Variants in ABI2 observed in about 807,000 individuals in gnomAD.
The protein encoded by ABI2 is abl interactor 2, also known as abelson interactor 2.
In ABI2, 25 loss-of-function variants were observed where a neutral mutation model predicts 59.2. The observed-to-expected ratio is 0.42, with a 90% confidence interval of 0.31 to 0.59. The LOEUF is 0.59. ABI2 is among the 20% of genes least tolerant of loss of function. The pLI is 0.14. For missense variants in ABI2, 545 were observed against 681.8 expected (o/e 0.80, Z 2.23); for synonymous variants, 213 against 235.5 (o/e 0.90, Z 0.87).
chr2:203,387,500 G>T (rs189433193), intron 4 of ABI2, among the ~76,000 whole-genome samples: 2 of 152,168 alleles, frequency 1.3e-5, no homozygotes, highest in Non-Finnish European at 2.9e-5. Flanking sequence ...CTGTGGCCAT[G>T]CATTAACCTT....
intron 4 of ABI2, among the ~76,000 whole-genome samples, chr2:203,384,310 T>TTTTG (rs1238552594): frequency 2.4e-4 from 34 of 139,748 alleles, no homozygotes; most frequent in Admixed American, 7.7e-4. Flanking sequence ...TTTTTTTTTT[T>TTTTG]TTTTTTTTTT....
chr2:203,352,142 A>T (rs2089088333), intron 1 of ABI2, among the ~76,000 whole-genome samples: 1 of 152,190 alleles, frequency 6.6e-6, no homozygotes, highest in Admixed American at 6.5e-5. Context: ...TGGCATACAG[A>T]TACACATATA....
At chr2:203,387,413 C>T (rs2096573231) in intron 4 of ABI2, among the ~76,000 whole-genome samples, 1 of 152,166 alleles carries the variant, frequency 6.6e-6, no homozygotes, top group Non-Finnish European at 1.5e-5. Context: ...TCTCCAAAGC[C>T]TGGTCATAAA....
At chr2:203,410,392 A>G (rs1580165390) in intron 9 of ABI2, among the ~76,000 whole-genome samples, 1 of 152,230 alleles carries the variant, frequency 6.6e-6, no homozygotes, top group East Asian at 1.9e-4. Flanking sequence ...AGGAAACTGT[A>G]ACTGTAGAGT....
chr2:203,342,378 C>T (rs2080478053), intron 1 of ABI2: 1 of 322,216 alleles, frequency 3.1e-6, no homozygotes, highest in South Asian at 2.6e-5. Flanking sequence ...GCCTTACCCA[C>T]TTATGTGTTG....
At chr2:203,411,472 A>G (rs924508069) in intron 10 of ABI2, 101 bp downstream of exon 10, 1 of 905,956 alleles carries the variant, frequency 1.1e-6, no homozygotes, top group South Asian at 1.6e-5. Context: ...ATACTTCAAC[A>G]TTTCAATATT....
intron 1 of ABI2, among the ~76,000 whole-genome samples, chr2:203,343,413 GTT>G (rs1393117325): frequency 6.6e-6 from 1 of 152,168 alleles, no homozygotes; most frequent in Non-Finnish European, 1.5e-5. Context: ...GTACAAACAT[GTT>G]ATGTGCATGT....
intron 8 of ABI2, among the ~76,000 whole-genome samples, chr2:203,397,757 G>T (rs922198920): frequency 6.6e-6 from 1 of 152,146 alleles, no homozygotes; most frequent in Non-Finnish European, 1.5e-5. Flanking sequence ...CTTCTGGGGA[G>T]GCCTCAGGAA....
intron 8 of ABI2, among the ~76,000 whole-genome samples, chr2:203,397,701 C>T (rs990212390): frequency 1.3e-4 from 20 of 152,230 alleles, no homozygotes; most frequent in South Asian, 2.1e-4. Context: ...AATTGGCTAA[C>T]GGTTCTTCAG....
Position 203,351,972 on chromosome 2 carries a change from G to T in ABI2, c.118-14905G>T, listed in dbSNP as rs151151616. Among the ~76,000 whole-genome samples, 71 of 152,266 alleles carry T rather than the reference G, an allele frequency of 4.7e-4. 1 individual carries two copies. In the East Asian group the frequency reaches 5.2e-3, roughly 11 times the overall value. Reference sequence around the variant, plus strand: ...CCTAACACCTAGTGACATGGTAGCCGTCCTAATGTTGTAGCACAATGCATT... The same window carrying T: ...CCTAACACCTAGTGACATGGTAGCCTTCCTAATGTTGTAGCACAATGCATT... On this transcript the variant is annotated intron_variant, in intron 1 of 11. Coordinates refer to ENST00000261018, the MANE Select transcript of ABI2 (RefSeq NM_001375670.1).
chr2:203,338,930 ATATG>A (rs2077828402), intron 1 of ABI2, among the ~76,000 whole-genome samples: 1 of 7,116 alleles, frequency 1.4e-4, no homozygotes, highest in Non-Finnish European at 1.6e-3. Context: ...GTGTGTGTGT[ATATG>A]TATATATATA....
intron 1 of ABI2, among the ~76,000 whole-genome samples, chr2:203,342,848 A>G (rs2080861485): frequency 7.1e-6 from 1 of 141,374 alleles, no homozygotes; most frequent in Non-Finnish European, 1.5e-5. Context: ...ATACACACAC[A>G]CATCTCATTG....
chr2:203,424,090 C>A (rs1037677363), intron 11 of ABI2, among the ~76,000 whole-genome samples: 1 of 152,160 alleles, frequency 6.6e-6, no homozygotes, highest in South Asian at 2.1e-4. Context: ...GCGTGATATA[C>A]ATGCATAATT....
chr2:203,422,644 C>G (rs1312397891), intron 11 of ABI2, among the ~76,000 whole-genome samples: 1 of 151,960 alleles, frequency 6.6e-6, no homozygotes, highest in African/African-American at 2.4e-5. Flanking sequence ...TTGCCAAACA[C>G]TACAGGAACA....
At chr2:203,374,431 G>T (rs933471742) in intron 2 of ABI2, among the ~76,000 whole-genome samples, 1 of 150,778 alleles carries the variant, frequency 6.6e-6, no homozygotes, top group Admixed American at 6.6e-5. Flanking sequence ...ACCTGGGAGC[G>T]GAGGTTGCAG....
intron 1 of ABI2, among the ~76,000 whole-genome samples, chr2:203,349,001 C>T (rs551715996): frequency 1.3e-5 from 2 of 150,072 alleles, no homozygotes; most frequent in South Asian, 2.1e-4. Context: ...GGTGTGATCT[C>T]GGCTCACTGC....
chr2:203,425,600 T>G (rs2098404721), intron 11 of ABI2, among the ~76,000 whole-genome samples: 1 of 152,254 alleles, frequency 6.6e-6, no homozygotes, highest in Non-Finnish European at 1.5e-5. Flanking sequence ...CTAAATTGTA[T>G]TTTCTGGGTT....
chr2:203,332,863 TGTGA>T (rs2074505269), intron 1 of ABI2, among the ~76,000 whole-genome samples: 2 of 152,342 alleles, frequency 1.3e-5, no homozygotes, highest in African/African-American at 2.4e-5. Flanking sequence ...TACTGATTTT[TGTGA>T]GTGACAGTTC....
intron 11 of ABI2, among the ~76,000 whole-genome samples, chr2:203,426,334 G>T (rs1344135039): frequency 6.6e-6 from 1 of 152,158 alleles, no homozygotes; most frequent in African/African-American, 2.4e-5. Context: ...TGGAATTGAG[G>T]ATGTTACAGG....
Sources: gnomAD v4.1 joint callset for allele counts (sites outside exome capture counted in the v4.1 genomes callset) on GRCh38, gnomAD v4.1.1 for gene constraint, MANE v1.5 for transcripts, NCBI Gene and HGNC (gene_info 2026-07-23, HGNC 2026-07-21) for gene names.